Variants in KDM5B observed in about 807,000 individuals in gnomAD.
KDM5B encodes lysine-specific demethylase 5B.
A neutral mutation model predicts 193.4 loss-of-function variants in KDM5B; 144 were observed. The observed-to-expected ratio is 0.74, with a 90% CI of 0.65 to 0.86. The LOEUF is 0.86. Among genes scored for constraint, KDM5B ranks in the 40% least tolerant of loss-of-function variants. KDM5B has a pLI of 0.00. For synonymous variants in KDM5B, 668 were observed against 682.6 expected (o/e 0.98, Z 0.33); for missense variants, 1,833 against 1,886.9 (o/e 0.97, Z 0.53).
At chr1:202,769,668 CAAAAAAAA>C (rs71142553) in intron 4 of KDM5B, among the ~76,000 whole-genome samples, 95 of 55,920 alleles carry the variant, frequency 1.7e-3, no homozygotes, top group African/African-American at 8.0e-3. Context: ...GACTCTGTCT[CAAAAAAAA>C]AAAAAAAAAA....
intron 3 of KDM5B, 125 bp downstream of exon 3, chr1:202,774,488 A>G (rs1252437127): frequency 2.5e-6 from 2 of 807,008 alleles, no homozygotes; most frequent in South Asian, 1.8e-5. Context: ...TTGACCTCCC[A>G]AAGTGCTGAG....
At position 202,746,185 on chromosome 1, in the gene KDM5B, C is replaced by T. The variant is rs751189787; in HGVS notation, c.2155G>A (p.Val719Ile). The T allele has an allele frequency of 1.7e-5, 28 of 1,613,410 alleles. No individual in the cohort carries two copies. The highest frequency in any genetic ancestry group is 2.4e-5 in the Non-Finnish European group (28 of 1,179,750). ...KPGLLVCLHH[V>I]KELCSCPPYK... ...GGAGGACAGGAACACAATTCTTTTA[C>T]ATGATGCAGGCAAACAAGAAGGCCA... is the stretch of plus-strand genomic sequence containing the variant. Residue 719 changes from valine to isoleucine, a missense_variant, in exon 15 of 27, where the codon GTA becomes ATA. By Grantham distance (29) the Val-to-Ile change is conservative (BLOSUM62 3). This residue lies in a region of KDM5B where 1,379 missense variants were observed against 1,349.6 expected (regional missense o/e 1.02). Transcript: ENST00000367265.
intron 8 of KDM5B, 151 bp downstream of exon 8, chr1:202,760,264 C>T (rs940994101): frequency 8.1e-5 from 45 of 552,866 alleles, no homozygotes; most frequent in African/African-American, 4.4e-4. Flanking sequence ...TGCAGTGAGC[C>T]ATGTTTGTGC....
rs763765528 is a variant in KDM5B, at chr1:202,729,936, C to T, written c.4268G>A (p.Arg1423Gln). Residue 1423 changes from arginine (R) to glutamine (Q), a missense_variant, in exon 26 of 27, where the codon CGG (arginine) becomes CAG (glutamine). By Grantham distance (43) the Arg-to-Gln change is conservative. Around this residue, in one of 3 missense-constraint regions of KDM5B, gnomAD observed 1,379 missense variants for 1,349.6 expected, o/e 1.02. Transcript: ENST00000367265. ...CCGCATTTTCTTAACTCGTTCCCAC[C>T]GCTCACTGGAGAGGCCCTCTCTTTC... ...RLEREGLSSE[R>Q]WERVKKMRTP... 7.4e-6 allele frequency: 12 copies of T among 1,614,070 alleles called. No homozygotes were observed. Among genetic ancestry groups the T allele is most frequent in the Admixed American group, 1.7e-5 (1 of 60,008 alleles).
chr1:202,779,275 C>G (rs72750693), intron 1 of KDM5B, among the ~76,000 whole-genome samples: 1 of 151,844 alleles, frequency 6.6e-6, no homozygotes. Context: ...AATCACATCA[C>G]TTTGGGAGGA....
rs755042141 is a variant in KDM5B at position 202,729,966 on chromosome 1, C to T, written c.4238G>A (p.Arg1413His). 1.1e-5 allele frequency: 18 copies of T among 1,613,740 alleles called. No homozygotes were observed. The highest frequency in any genetic ancestry group is 5.5e-5 in the South Asian group (5 of 91,070). The change falls in exon 26 of 27, where the codon CGC becomes CAC. Residue 1413 changes from arginine to histidine, a missense_variant. Around this residue, in one of 3 missense-constraint regions of KDM5B, gnomAD observed 1,379 missense variants for 1,349.6 expected, o/e 1.02. Transcript: ENST00000367265. ...INSLERKLKR[R>H]LEREGLSSER... ...ACTGGAGAGGCCCTCTCTTTCCAGGCGTCTCTTCAGTTTTCTCTCAAGACT... is the reference window on the plus strand; with the variant it reads ...ACTGGAGAGGCCCTCTCTTTCCAGGTGTCTCTTCAGTTTTCTCTCAAGACT...
intron 1 of KDM5B, among the ~76,000 whole-genome samples, chr1:202,782,235 T>A (rs969179416): frequency 6.6e-6 from 1 of 152,202 alleles, no homozygotes; most frequent in African/African-American, 2.4e-5. Flanking sequence ...GTCATTCAGT[T>A]TTGGGACATT....
At chr1:202,787,015 CT>C (rs1657441577) in intron 1 of KDM5B, among the ~76,000 whole-genome samples, 1 of 151,864 alleles carries the variant, frequency 6.6e-6, no homozygotes, top group African/African-American at 2.4e-5. Context: ...TCAAGTTTCC[CT>C]TTTTTTTCTT....
At chr1:202,729,207 G>A in intron 26 of KDM5B, 34 bp from the exon 27 acceptor site, 1 of 1,612,518 alleles carries the variant, frequency 6.2e-7, no homozygotes, top group East Asian at 2.2e-5. Context: ...GGGGTTTTCA[G>A]AGGAAAAAAT....
intron 1 of KDM5B, among the ~76,000 whole-genome samples, chr1:202,779,710 G>T (rs977325906): frequency 3.3e-5 from 5 of 151,872 alleles, no homozygotes; most frequent in Admixed American, 3.3e-4. Context: ...GTCTGAGGCA[G>T]GAGAATCACT....
intron 25 of KDM5B, among the ~76,000 whole-genome samples, chr1:202,730,446 T>C (rs1654839402): frequency 6.6e-6 from 1 of 152,192 alleles, no homozygotes; most frequent in African/African-American, 2.4e-5. Flanking sequence ...TAATCTTCCT[T>C]CTTGAAGGAT....
rs117305187 is a variant in KDM5B, at chr1:202,762,663, C to T, written c.918+36G>A. The T allele has an allele frequency of 1.1e-3, 1,281 of 1,198,326 alleles. 19 individuals carry two copies. The East Asian group carries it at 0.029, about 27-fold the overall frequency. 74.2% of individuals were successfully genotyped at this position (1,198,326 alleles called of 1,614,324 possible). A position where few individuals can be genotyped will look rare whatever the true frequency, so the allele number is the denominator to read the frequency against. ...AAAGAAAGGAAGGGAAGAAGGAAAA[C>T]AGGAAAGAAAAAGGAGAAAGGGAGA... is the stretch of plus-strand genomic sequence containing the variant. On this transcript the variant is annotated intron_variant, in intron 7 of 26. Transcript: ENST00000367265.
chr1:202,804,404 G>A (rs931861736), intron 1 of KDM5B, among the ~76,000 whole-genome samples: 8 of 152,034 alleles, frequency 5.3e-5, no homozygotes, highest in Non-Finnish European at 1.2e-4. Flanking sequence ...AACAGAGAGA[G>A]GGTTAGGCCT....
intron 22 of KDM5B, among the ~76,000 whole-genome samples, chr1:202,734,448 T>C (rs1300882834): frequency 6.6e-6 from 1 of 151,982 alleles, no homozygotes; most frequent in Non-Finnish European, 1.5e-5. Flanking sequence ...AGCTTAGAGA[T>C]GGAAAGCAAA....
At chr1:202,794,818 C>T (rs1382351740) in intron 1 of KDM5B, among the ~76,000 whole-genome samples, 1 of 152,160 alleles carries the variant, frequency 6.6e-6, no homozygotes, top group Non-Finnish European at 1.5e-5. Flanking sequence ...CCTATATATA[C>T]TATGTTTTTT....
At position 202,741,340 on chromosome 1, in the gene KDM5B, C is replaced by A; in HGVS notation, c.2945+27G>T. ...GCTGGAGATAACTGTCCAACCTTCC[C>A]AAAGAAAGAGAAGTCTGCTTTTTCA... On this transcript the variant is annotated intron_variant, in intron 19 of 26. Transcript: ENST00000367265. The A allele has an allele frequency of 2.0e-6, 3 of 1,487,462 alleles. No individual in the cohort carries two copies. The South Asian group carries it at 4.1e-5, about 20-fold the overall frequency. The allele number at this position is 1,487,462 out of a possible 1,614,324, so 92.1% of individuals were successfully genotyped here. A position where few individuals can be genotyped will look rare whatever the true frequency, so the allele number is the denominator to read the frequency against.
At chr1:202,731,692 G>T in intron 24 of KDM5B, 136 bp downstream of exon 24, 2 of 660,026 alleles carry the variant, frequency 3.0e-6, no homozygotes, top group East Asian at 2.8e-5. Context: ...TCCCTATTTT[G>T]CAAATACATA....
Position 202,735,617 on chromosome 1 carries a change from A to G in KDM5B, c.3265-30T>C, listed in dbSNP as rs760581606. On this transcript the variant is annotated intron_variant, in intron 21 of 26. Coordinates refer to ENST00000367265, the MANE Select transcript of KDM5B (RefSeq NM_006618.5). ...TGTGGGACAAGGCACAACCAATGGTAAAATAAATTTCAGATAAAGCATTAT... is the reference window on the plus strand; with the variant it reads ...TGTGGGACAAGGCACAACCAATGGTGAAATAAATTTCAGATAAAGCATTAT... 30 of 1,599,398 alleles carry G rather than the reference A, an allele frequency of 1.9e-5. 1 individual carries two copies. In the South Asian group the frequency reaches 2.1e-4, roughly 11 times the overall value.
intron 20 of KDM5B, among the ~76,000 whole-genome samples, chr1:202,736,998 G>A (rs1003255459): frequency 6.6e-6 from 1 of 151,994 alleles, no homozygotes; most frequent in Admixed American, 6.6e-5. Context: ...CATATACTGT[G>A]GTCCCTTTGT....
Sources: gnomAD v4.1 joint callset for allele counts (sites outside exome capture counted in the v4.1 genomes callset) on GRCh38, gnomAD v4.1.1 for gene constraint, gnomAD v4.1.1 regional missense constraint, MANE v1.5 for transcripts, NCBI Gene and HGNC (gene_info 2026-07-23, HGNC 2026-07-21) for gene names.